MMD2: variants seen among roughly 807,000 people sequenced by gnomAD.
The protein encoded by MMD2 is monocyte to macrophage differentiation associated 2.
A neutral mutation model predicts 33.5 loss-of-function variants in MMD2; 30 were observed. The ratio of observed to expected loss-of-function variants is 0.90; its 90% CI spans 0.67 to 1.22. The LOEUF (loss-of-function observed/expected upper bound fraction) is 1.22. Ranked by LOEUF, MMD2 falls within the 50% of genes most tolerant of loss-of-function variation. The pLI, the probability that MMD2 is intolerant of heterozygous loss-of-function variation, is 0.00. For synonymous variants in MMD2, 129 were observed against 123.0 expected, an observed-to-expected ratio of 1.05 and a Z score of -0.32; for missense variants, 364 against 325.4, an observed-to-expected ratio of 1.12 and a Z score of -0.91.
chr7:4,910,253 TGCTCA>T (rs1303471012), intron 5 of MMD2, among the ~76,000 whole-genome samples: 1 of 152,146 alleles, frequency 6.6e-6, no homozygotes, highest in Non-Finnish European at 1.5e-5. Flanking sequence ...GCACTTCCGA[TGCTCA>T]GCCCATGGTA....
chr7:4,907,352 G>A lies in MMD2; in HGVS notation c.*44C>T. ...TCTGGGTTAACGTTCACAGAAACGT[G>A]CTCCACTCCTAAAGCCCAAACGACC... On this transcript the variant is annotated 3_prime_UTR_variant, in exon 7 of 7. Transcript: ENST00000401401. The A allele has an allele frequency of 6.3e-7, 1 of 1,588,892 alleles. No individual in the cohort carries two copies. Among genetic ancestry groups the A allele is most frequent in the Non-Finnish European group, 8.6e-7 (1 of 1,158,706 alleles).
chr7:4,929,956 G>A (rs1233199640), intron 1 of MMD2, among the ~76,000 whole-genome samples: 1 of 152,080 alleles, frequency 6.6e-6, no homozygotes, highest in South Asian at 2.1e-4. Context: ...GAACAGGATT[G>A]GAGCAGATTT....
At chr7:4,916,864 A>T (rs1029839770) in intron 3 of MMD2, among the ~76,000 whole-genome samples, 1 of 152,218 alleles carries the variant, frequency 6.6e-6, no homozygotes, top group Non-Finnish European at 1.5e-5. Flanking sequence ...TGAGCTCAGG[A>T]GTTGGAAACC....
At position 4,958,989 on chromosome 7, in the gene MMD2, T is replaced by C. The variant is rs1455515836; in HGVS notation, c.29A>G (p.Gln10Arg). Residue 10 changes from glutamine (Q) to arginine (R), a missense_variant, in exon 1 of 7, where the codon CAG becomes CGG. By Grantham distance (43) the Gln-to-Arg change is conservative. Transcript: ENST00000401401. Reference protein sequence around the residue: MFAPRLLDFQKTKYARFMNH... With the variant: MFAPRLLDFRKTKYARFMNH... ...CGCTCACCTCGCGTATTTCGTCTTC[T>C]GGAAATCCAGCAGCCGGGGGGCGAA... 22 of 1,283,620 alleles carry C rather than the reference T, an allele frequency of 1.7e-5. No homozygotes were observed. The highest frequency in any genetic ancestry group is 2.2e-5 in the Non-Finnish European group (22 of 1,008,034). The allele number at this position is 1,283,620 out of a possible 1,614,324, so 79.5% of individuals were successfully genotyped here. A position where few individuals can be genotyped will look rare whatever the true frequency, so the allele number is the denominator to read the frequency against.
At chr7:4,922,026 G>C (rs1023219162) in intron 2 of MMD2, among the ~76,000 whole-genome samples, 12 of 151,580 alleles carry the variant, frequency 7.9e-5, no homozygotes, top group Non-Finnish European at 1.5e-4. Flanking sequence ...AGGAGTTCAA[G>C]ACCAGCCTGG....
At chr7:4,903,225 G>A (rs1348128965), downstream of MMD2, among the ~76,000 whole-genome samples, 3 of 152,124 alleles carry the variant, frequency 2.0e-5, no homozygotes, top group Non-Finnish European at 4.4e-5. Flanking sequence ...GCAACAGAGC[G>A]AGACTCCATG....
chr7:4,893,589 G>C, the MMD2 span, among the ~76,000 whole-genome samples: 1 of 151,700 alleles, frequency 6.6e-6, no homozygotes, highest in Admixed American at 6.6e-5. Flanking sequence ...ACATGGTTTT[G>C]CCACGTTGGT....
intron 4 of MMD2, among the ~76,000 whole-genome samples, chr7:4,913,088 T>C (rs555387728): frequency 6.6e-6 from 1 of 152,264 alleles, no homozygotes; most frequent in Admixed American, 6.5e-5. Flanking sequence ...TTATAAAGAA[T>C]TTAAGTAACA....
At chr7:4,901,672 G>C (rs572757552), downstream of MMD2, among the ~76,000 whole-genome samples, 5 of 152,316 alleles carry the variant, frequency 3.3e-5, no homozygotes, top group East Asian at 7.7e-4. Context: ...GAATGTCTCT[G>C]TGACAGAACT....
chr7:4,900,191 C>G, the MMD2 span, among the ~76,000 whole-genome samples: 11 of 152,182 alleles, frequency 7.2e-5, no homozygotes, highest in African/African-American at 2.6e-4. Context: ...ATCCCAGCTA[C>G]TCAGGAGGCT....
chr7:4,893,945 T>C, the MMD2 span, among the ~76,000 whole-genome samples: 1 of 152,122 alleles, frequency 6.6e-6, no homozygotes, highest in Non-Finnish European at 1.5e-5. Flanking sequence ...TTTTGGTAGG[T>C]TTTGGTGGGC....
intron 1 of MMD2, among the ~76,000 whole-genome samples, chr7:4,953,751 G>A (rs146732351): frequency 3.9e-5 from 6 of 152,258 alleles, no homozygotes; most frequent in South Asian, 2.1e-4. Context: ...AATTAAAGGC[G>A]TGAGCCACCG....
chr7:4,956,213 A>C (rs1251742766), intron 1 of MMD2, among the ~76,000 whole-genome samples: 1 of 152,054 alleles, frequency 6.6e-6, no homozygotes, highest in Non-Finnish European at 1.5e-5. Context: ...ACTTGAGCCT[A>C]GGTGCTCAAG....
At chr7:4,922,571 A>AAT (rs1785315575) in intron 2 of MMD2, among the ~76,000 whole-genome samples, 1 of 152,078 alleles carries the variant, frequency 6.6e-6, no homozygotes. Flanking sequence ...GCTATTTTAA[A>AAT]ATATATATAC....
At chr7:4,914,389 G>C (rs181014976) in intron 4 of MMD2, among the ~76,000 whole-genome samples, 2 of 152,272 alleles carry the variant, frequency 1.3e-5, no homozygotes, top group East Asian at 3.9e-4. Context: ...CAGTCTCAAT[G>C]CCTGCAGAAT....
intron 2 of MMD2, among the ~76,000 whole-genome samples, chr7:4,921,250 T>C (rs1785276380): frequency 6.6e-6 from 1 of 152,064 alleles, no homozygotes; most frequent in East Asian, 1.9e-4. Context: ...CTCATCTGCT[T>C]GGACTGCCCT....
Position 4,910,041 on chromosome 7 carries a change from C to G in MMD2, c.468-91G>C, listed in dbSNP as rs368501613. On this transcript the variant is annotated intron_variant, in intron 5 of 6. Coordinates refer to ENST00000401401, the MANE Select transcript of MMD2 (RefSeq NM_198403.4). ...CCCTGTTCTTGGGGAAGAGGGAACA[C>G]TCTGGCCAGAACAGTGAGAAGAAAG... 1.4e-5 allele frequency: 23 copies of G among 1,613,342 alleles called. No individual in the cohort carries two copies. In the African/African-American group the frequency reaches 2.9e-4, roughly 21 times the overall value.
downstream of MMD2, among the ~76,000 whole-genome samples, chr7:4,901,558 G>A (rs1784794532): frequency 6.6e-6 from 1 of 152,262 alleles, no homozygotes; most frequent in Non-Finnish European, 1.5e-5. Context: ...GGCACGGAGA[G>A]GATAAGGGAC....
chr7:4,945,206 C>CTTCTTCTTCTT (rs1786033296), intron 1 of MMD2, among the ~76,000 whole-genome samples: 1 of 139,982 alleles, frequency 7.1e-6, no homozygotes, highest in Non-Finnish European at 1.5e-5. Context: ...TCTTCTTCTT[C>CTTCTTCTTCTT]TTCTTCTTCT....
Sources: gnomAD v4.1 joint callset for allele counts (sites outside exome capture counted in the v4.1 genomes callset) on GRCh38, gnomAD v4.1.1 for gene constraint, MANE v1.5 for transcripts, NCBI Gene and HGNC (gene_info 2026-07-23, HGNC 2026-07-21) for gene names.